NELL1: variants seen among roughly 807,000 people sequenced by gnomAD.
The protein encoded by NELL1 is neural EGFL like 1, also known as protein kinase C-binding protein NELL1.
A neutral mutation model predicts 107.4 loss-of-function variants in NELL1; 76 were observed. The observed-to-expected ratio is 0.71, with a 90% confidence interval of 0.59 to 0.86. The LOEUF is 0.86. NELL1 is among the 40% of genes least tolerant of loss of function. The pLI, the probability that NELL1 is intolerant of heterozygous loss-of-function variation, is 0.00. For missense variants in NELL1, 1,024 were observed against 1,005.5 expected (o/e 1.02, Z -0.25); for synonymous variants, 353 against 341.2 (o/e 1.03, Z -0.38).
intron 15 of NELL1, among the ~76,000 whole-genome samples, chr11:21,376,339 T>C (rs948060193): frequency 6.6e-6 from 1 of 152,170 alleles, no homozygotes; most frequent in Non-Finnish European, 1.5e-5. Context: ...GTCAACTTTA[T>C]TGAAGATCAG....
intron 14 of NELL1, among the ~76,000 whole-genome samples, chr11:21,285,348 A>T (rs951639157): frequency 1.3e-5 from 2 of 152,198 alleles, no homozygotes; most frequent in African/African-American, 4.8e-5. Context: ...AACATTCAGC[A>T]AACCAGCCTG....
Position 21,106,544 on chromosome 11 carries a change from G to A in NELL1, c.1301-7045G>A, listed in dbSNP as rs556270169. On this transcript the variant is annotated intron_variant, in intron 12 of 19. Coordinates refer to ENST00000357134, the MANE Select transcript of NELL1 (RefSeq NM_006157.5). ...TAAGTGTCACTTTTTATTACCATTG[G>A]CCTTGCATCGTGTTTTTTCTCTTAT... Among the ~76,000 whole-genome samples, 17 of 152,028 alleles carry A rather than the reference G, an allele frequency of 1.1e-4. No individual in the cohort carries two copies. In the East Asian group the frequency reaches 3.1e-3, roughly 28 times the overall value.
chr11:21,318,689 A>G (rs1406005719), intron 14 of NELL1, among the ~76,000 whole-genome samples: 1 of 151,812 alleles, frequency 6.6e-6, no homozygotes, highest in Non-Finnish European at 1.5e-5. Context: ...CCAACTTTCA[A>G]CACATAGTAG....
At chr11:20,897,049 T>A (rs1314819149) in intron 5 of NELL1, among the ~76,000 whole-genome samples, 2 of 152,136 alleles carry the variant, frequency 1.3e-5, no homozygotes, top group South Asian at 4.1e-4. Flanking sequence ...CTTCACAGAA[T>A]TGGAAAAAAC....
In NELL1 at chr11:20,691,803, C is replaced by T. The variant is rs371380559; in HGVS notation, c.184+13743C>T. Among the ~76,000 whole-genome samples the T allele has an allele frequency of 6.7e-3, 1,013 of 151,810 alleles. 6 individuals carry two copies. Among genetic ancestry groups the T allele is most frequent in the African/African-American group, 0.023 (949 of 41,326 alleles). On this transcript the variant is annotated intron_variant, in intron 2 of 19. Transcript: ENST00000357134. ...TCAGGATGATGCTGGCCTCATAAAA[C>T]GAGTTAGGGAGGATTCCCTCTTTTT...
chr11:20,957,914 G>A (rs1430738594), intron 11 of NELL1, among the ~76,000 whole-genome samples: 1 of 152,056 alleles, frequency 6.6e-6, no homozygotes, highest in African/African-American at 2.4e-5. Flanking sequence ...GAGAGCTTGA[G>A]AAGAAAGAAC....
At chr11:21,166,703 A>G (rs1177152719) in intron 13 of NELL1, among the ~76,000 whole-genome samples, 27 of 152,010 alleles carry the variant, frequency 1.8e-4, no homozygotes, top group Admixed American at 1.8e-3. Context: ...TAATCCATGT[A>G]GAGGCTAAGG....
At chr11:21,089,180 T>C (rs1393426703) in intron 12 of NELL1, among the ~76,000 whole-genome samples, 1 of 152,192 alleles carries the variant, frequency 6.6e-6, no homozygotes, top group African/African-American at 2.4e-5. Context: ...TCAGTGTCTA[T>C]CCTGAGCCAA....
At chr11:21,083,994 A>T (rs541538879) in intron 12 of NELL1, among the ~76,000 whole-genome samples, 3 of 152,284 alleles carry the variant, frequency 2.0e-5, no homozygotes, top group African/African-American at 7.2e-5. Flanking sequence ...CAGGGACATG[A>T]TCATGATGGT....
At chr11:20,805,394 T>C (rs896079062) in intron 3 of NELL1, among the ~76,000 whole-genome samples, 20 of 152,228 alleles carry the variant, frequency 1.3e-4, no homozygotes, top group African/African-American at 4.8e-4. Flanking sequence ...CTTTTTTTCC[T>C]GTCTTCCTTT....
At chr11:21,082,339 G>C (rs1854288486) in intron 12 of NELL1, among the ~76,000 whole-genome samples, 1 of 152,110 alleles carries the variant, frequency 6.6e-6, no homozygotes, top group Non-Finnish European at 1.5e-5. Flanking sequence ...AAAGCACCAA[G>C]GTGATTCTAT....
intron 3 of NELL1, among the ~76,000 whole-genome samples, chr11:20,834,190 G>A (rs1848488463): frequency 6.6e-6 from 1 of 152,212 alleles, no homozygotes; most frequent in African/African-American, 2.4e-5. Context: ...CTGTGAAGGA[G>A]ATTTGGAATG....
At chr11:20,913,566 C>G (rs940653805) in intron 5 of NELL1, among the ~76,000 whole-genome samples, 1 of 151,954 alleles carries the variant, frequency 6.6e-6, no homozygotes, top group Non-Finnish European at 1.5e-5. Flanking sequence ...GTTCCCTAAA[C>G]ATTAAAAATC....
intron 3 of NELL1, among the ~76,000 whole-genome samples, chr11:20,837,104 G>C (rs949992894): frequency 6.6e-6 from 1 of 152,142 alleles, no homozygotes; most frequent in Admixed American, 6.6e-5. Context: ...AATTAATGGC[G>C]TATGTAGGAC....
At chr11:21,361,714 G>A (rs1851080145) in intron 14 of NELL1, among the ~76,000 whole-genome samples, 1 of 151,932 alleles carries the variant, frequency 6.6e-6, no homozygotes, top group Non-Finnish European at 1.5e-5. Flanking sequence ...GTCTTAGTGG[G>A]TTAATTTGAA....
At chr11:21,254,271 C>A (rs192145980) in intron 14 of NELL1, among the ~76,000 whole-genome samples, 2 of 151,846 alleles carry the variant, frequency 1.3e-5, no homozygotes, top group African/African-American at 4.8e-5. Flanking sequence ...AGACTAATTG[C>A]AAGACTAAAT....
chr11:20,763,875 A>G (rs1425820726), intron 2 of NELL1, among the ~76,000 whole-genome samples: 1 of 152,190 alleles, frequency 6.6e-6, no homozygotes. Flanking sequence ...TATTAGCATA[A>G]GTTAGAGATG....
intron 12 of NELL1, among the ~76,000 whole-genome samples, chr11:21,007,388 GACACACACACAC>G (rs66809505): frequency 1.3e-5 from 2 of 149,136 alleles, no homozygotes; most frequent in Non-Finnish European, 1.5e-5. Flanking sequence ...CACACACACA[GACACACACACAC>G]ACACACACAC....
chr11:20,881,311 T>C (rs150125322), intron 4 of NELL1, among the ~76,000 whole-genome samples: 22 of 152,376 alleles, frequency 1.4e-4, no homozygotes, highest in African/African-American at 5.0e-4. Flanking sequence ...GTTTTTGTTT[T>C]CCTGTATTTT....
Sources: allele counts gnomAD v4.1 joint callset (sites outside exome capture counted in the v4.1 genomes callset), GRCh38; gene constraint gnomAD v4.1.1; transcripts MANE v1.5; gene names NCBI Gene and HGNC (gene_info 2026-07-23, HGNC 2026-07-21).